The following PPM1H variants were observed in gnomAD, a reference collection of about 807,000 sequenced individuals.
The protein encoded by PPM1H is protein phosphatase, Mg2+/Mn2+ dependent 1H.
PPM1H carries 27 observed loss-of-function variants against 54.9 expected under a neutral mutation model. The ratio of observed to expected loss-of-function variants is 0.49; its 90% CI spans 0.36 to 0.68. The LOEUF (loss-of-function observed/expected upper bound fraction) is 0.68. Ranked by LOEUF, PPM1H falls within the 30% of genes least tolerant of loss-of-function variation. PPM1H has a pLI of 0.00. For missense variants in PPM1H, 596 were observed against 667.8 expected (o/e 0.89, Z 1.19); for synonymous variants, 305 against 270.8 (o/e 1.13, Z -1.24).
intron 4 of PPM1H, among the ~76,000 whole-genome samples, chr12:62,774,285 T>G (rs1433815426): frequency 6.6e-6 from 1 of 152,212 alleles, no homozygotes; most frequent in Non-Finnish European, 1.5e-5. Context: ...CCCAGCCCAG[T>G]GTTTTTTCCA....
At chr12:62,877,324 A>G (rs1320759404) in intron 1 of PPM1H, among the ~76,000 whole-genome samples, 3 of 152,176 alleles carry the variant, frequency 2.0e-5, no homozygotes, top group Non-Finnish European at 4.4e-5. Flanking sequence ...ATGAGATAGT[A>G]TGAAGGCATG....
intron 4 of PPM1H, chr12:62,755,780 C>G (rs2076470262): frequency 1.1e-6 from 1 of 943,230 alleles, no homozygotes; most frequent in Non-Finnish European, 1.7e-6. Context: ...CACTGCCACC[C>G]AGAAGACTGT....
intron 4 of PPM1H, among the ~76,000 whole-genome samples, chr12:62,764,124 G>A (rs2076527455): frequency 6.6e-6 from 1 of 152,098 alleles, no homozygotes; most frequent in Admixed American, 6.5e-5. Flanking sequence ...GTTGAACTCT[G>A]GTGAATTTCC....
At chr12:62,746,680 A>C (rs1326645375) in intron 4 of PPM1H, among the ~76,000 whole-genome samples, 1 of 152,242 alleles carries the variant, frequency 6.6e-6, no homozygotes, top group African/African-American at 2.4e-5. Context: ...CGGGGCAAGC[A>C]AAACTCAACT....
At chr12:62,775,994 T>A (rs1049106795) in intron 4 of PPM1H, among the ~76,000 whole-genome samples, 28 of 152,210 alleles carry the variant, frequency 1.8e-4, no homozygotes, top group Admixed American at 3.3e-4. Flanking sequence ...CAAAGGCACG[T>A]CTTACTTGAT....
At chr12:62,753,288 AT>A (rs1448012471) in intron 4 of PPM1H, among the ~76,000 whole-genome samples, 1 of 152,216 alleles carries the variant, frequency 6.6e-6, no homozygotes, top group Non-Finnish European at 1.5e-5. Context: ...AACATTTCCT[AT>A]GGAACCCACT....
At chr12:62,657,459 C>T (rs1186830252) in intron 9 of PPM1H, among the ~76,000 whole-genome samples, 4 of 152,130 alleles carry the variant, frequency 2.6e-5, no homozygotes, top group African/African-American at 9.7e-5. Context: ...CTGTTAGAGG[C>T]TGCCACAGCC....
At position 62,934,286 on chromosome 12, in the gene PPM1H, G is replaced by T. The variant is rs1872246917; in HGVS notation, c.245+206C>A. Reference sequence around the variant, plus strand: ...CCCCTCCACCACCCATACCGGGGCTGGAGACGCCGCGTCCTTGGGCTGGGG... The same window carrying T: ...CCCCTCCACCACCCATACCGGGGCTTGAGACGCCGCGTCCTTGGGCTGGGG... On this transcript the variant is annotated intron_variant, in intron 1 of 9. Coordinates refer to ENST00000228705, the MANE Select transcript of PPM1H (RefSeq NM_020700.2). The surrounding 1 kb of genome is among the most constrained non-coding windows in gnomAD (Gnocchi z 4.2). Among the ~76,000 whole-genome samples the T allele has an allele frequency of 6.6e-6, 1 of 152,194 alleles. No homozygotes were observed. The highest frequency in any genetic ancestry group is 1.5e-5 in the Non-Finnish European group (1 of 68,044).
rs551260078 is a variant in PPM1H, at chr12:62,907,705, G to A, written c.245+26787C>T. On this transcript the variant is annotated intron_variant, in intron 1 of 9. Transcript: ENST00000228705. ...TCTGTGTGACCTGGAGAATTTAAAC[G>A]TGTACCTGTACCAAAAAGAGGAACT... is the stretch of plus-strand genomic sequence containing the variant. 9.7e-4 allele frequency among the ~76,000 whole-genome samples: 147 copies of A among 152,214 alleles called. 2 individuals are homozygous for A. The highest frequency in any genetic ancestry group is 3.4e-3 in the African/African-American group (141 of 41,534).
At chr12:62,834,258 T>C (rs978093486) in intron 1 of PPM1H, among the ~76,000 whole-genome samples, 1 of 152,150 alleles carries the variant, frequency 6.6e-6, no homozygotes, top group Non-Finnish European at 1.5e-5. Context: ...TATTTTCTTG[T>C]CCCACCTTCA....
At chr12:62,856,290 T>C (rs1256357765) in intron 1 of PPM1H, among the ~76,000 whole-genome samples, 1 of 152,134 alleles carries the variant, frequency 6.6e-6, no homozygotes, top group African/African-American at 2.4e-5. Flanking sequence ...GTTTGCTTGG[T>C]TCTGCCTGGG....
At chr12:62,856,427 T>G (rs952611696) in intron 1 of PPM1H, among the ~76,000 whole-genome samples, 1 of 152,206 alleles carries the variant, frequency 6.6e-6, no homozygotes, top group African/African-American at 2.4e-5. Flanking sequence ...TGATGCCCAG[T>G]GTCCCACAAA....
chr12:62,884,958 C>T (rs1459054568), intron 1 of PPM1H, among the ~76,000 whole-genome samples: 3 of 152,050 alleles, frequency 2.0e-5, no homozygotes, highest in South Asian at 2.1e-4. Flanking sequence ...AAGACACACC[C>T]GAGTCTGGGA....
chr12:62,811,265 G>A (rs1189291108), intron 2 of PPM1H, among the ~76,000 whole-genome samples: 4 of 152,154 alleles, frequency 2.6e-5, no homozygotes, highest in African/African-American at 9.7e-5. Context: ...AAAGTTAATT[G>A]TACTGTATGT....
At chr12:62,672,548 G>C (rs1276416072) in intron 8 of PPM1H, among the ~76,000 whole-genome samples, 1 of 152,186 alleles carries the variant, frequency 6.6e-6, no homozygotes, top group Non-Finnish European at 1.5e-5. Context: ...ACAGATCTGA[G>C]CTGCATACTT....
At chr12:62,772,179 G>C (rs1020021528) in intron 4 of PPM1H, among the ~76,000 whole-genome samples, 1 of 152,150 alleles carries the variant, frequency 6.6e-6, no homozygotes, top group Non-Finnish European at 1.5e-5. Flanking sequence ...CTATGTGCCA[G>C]GTACCACACT....
intron 5 of PPM1H, among the ~76,000 whole-genome samples, chr12:62,722,083 C>T (rs75506047): frequency 0.011 from 1,639 of 152,174 alleles, 29 homozygotes; most frequent in East Asian, 0.085. Flanking sequence ...GCACCCTCCG[C>T]GACCGCACAA....
chr12:62,870,474 A>G (rs527816645), intron 1 of PPM1H, among the ~76,000 whole-genome samples: 1 of 152,348 alleles, frequency 6.6e-6, no homozygotes, highest in Non-Finnish European at 1.5e-5. Flanking sequence ...ATGAGAGGAC[A>G]GCCTGAAGCA....
At chr12:62,855,953 C>G (rs577963117) in intron 1 of PPM1H, among the ~76,000 whole-genome samples, 1 of 152,164 alleles carries the variant, frequency 6.6e-6, no homozygotes, top group East Asian at 1.9e-4. Flanking sequence ...GTTAAGTGTA[C>G]AGCTAATTAT....
Sources: gnomAD v4.1 joint callset for allele counts (sites outside exome capture counted in the v4.1 genomes callset) on GRCh38, gnomAD v4.1.1 for gene constraint, Gnocchi (gnomAD v3.1) non-coding constraint, MANE v1.5 for transcripts, NCBI Gene and HGNC (gene_info 2026-07-23, HGNC 2026-07-21) for gene names.